Variants in DMD observed in about 807,000 individuals in gnomAD.
The protein encoded by DMD is dystrophin.
Under a neutral mutation model 330.1 loss-of-function variants are expected in DMD, and 63 were observed. The ratio of observed to expected loss-of-function variants is 0.19; its 90% CI spans 0.16 to 0.24. DMD has a LOEUF of 0.24. DMD is among the 10% of genes least tolerant of loss of function. The pLI is 1.00. For missense variants in DMD, 3,344 were observed against 2,684.1 expected, an observed-to-expected ratio of 1.25 and a Z score of -5.43; for synonymous variants, 1,223 against 959.8, an observed-to-expected ratio of 1.27 and a Z score of -5.07.
chrX:32,557,535 G>C (rs2050444104), intron 16 of DMD, among the ~76,000 whole-genome samples: 1 of 111,445 alleles, frequency 9.0e-6, no homozygotes, highest in Non-Finnish European at 1.9e-5. Context: ...TAACCCTTTG[G>C]AGTGATCAAT....
chrX:32,751,920 G>C (rs1342248791), intron 7 of DMD, among the ~76,000 whole-genome samples: 1 of 112,868 alleles, frequency 8.9e-6, no homozygotes, highest in East Asian at 2.8e-4. Flanking sequence ...CTTCCACGTC[G>C]TGTTGAGCCC....
chrX:33,256,479 T>C lies in DMD; in HGVS notation c.7+82780A>G, dbSNP rs562863081. 5.4e-5 allele frequency among the ~76,000 whole-genome samples: 6 copies of C among 110,456 alleles called. No homozygotes were observed. The South Asian group carries it at 1.9e-3, about 35-fold the overall frequency. ...CGTGGCTTCTAGCTTATTTGATTAA[T>C]ACAAATCCTTCAAAATCTTTTTATT... On this transcript the variant is annotated intron_variant, in intron 1 of 17. Transcript: ENST00000288447.
intron 13 of DMD, among the ~76,000 whole-genome samples, chrX:32,579,210 C>A (rs1237464537): frequency 8.9e-6 from 1 of 111,980 alleles, no homozygotes; most frequent in Non-Finnish European, 1.9e-5. Context: ...CACTGTATAA[C>A]ATATGGTACA....
chrX:32,252,635 TATAA>T (rs747680860), intron 43 of DMD, among the ~76,000 whole-genome samples: 1,334 of 74,666 alleles, frequency 0.018, 164 homozygotes, highest in African/African-American at 0.073. Flanking sequence ...TATGTGTATA[TATAA>T]ATATATATAA....
Position 33,168,812 on chromosome X carries a change from G to T in DMD, c.31+42470C>A, listed in dbSNP as rs902862784. 2.6e-4 allele frequency among the ~76,000 whole-genome samples: 29 copies of T among 110,150 alleles called. 1 individual carries two copies. The highest frequency in any genetic ancestry group is 2.6e-3 in the Admixed American group (27 of 10,294). ...ATGGTGACAAAATCAAAGAGAAGGCGTAAAGGATACAGTTATATTCCCTAA... is the reference window on the plus strand; with the variant it reads ...ATGGTGACAAAATCAAAGAGAAGGCTTAAAGGATACAGTTATATTCCCTAA... On this transcript the variant is annotated intron_variant, in intron 1 of 78. Transcript: ENST00000357033.
intron 42 of DMD, among the ~76,000 whole-genome samples, chrX:32,301,235 A>AAAAAAAAAG: frequency 9.3e-6 from 1 of 108,048 alleles, no homozygotes; most frequent in South Asian, 3.9e-4. Flanking sequence ...AAAAAAAAAA[A>AAAAAAAAAG]AAAGAAAGAA....
Position 31,444,475 on chromosome X carries a change from G to A in DMD, c.9084+6C>T. On this transcript the variant is annotated splice_donor_region_variant and intron_variant, in intron 60 of 78. Transcript: ENST00000357033. Reference sequence around the variant, plus strand: ...CAAAGGACAACAATGTTTACAATGTGCTTACCTGCAGAAGCTTCCATCTGG... The same window carrying A: ...CAAAGGACAACAATGTTTACAATGTACTTACCTGCAGAAGCTTCCATCTGG... 8.3e-7 allele frequency: 1 copy of A among 1,210,614 alleles called. No homozygotes were observed. Among genetic ancestry groups the A allele is most frequent in the South Asian group, 1.8e-5 (1 of 56,951 alleles).
chrX:32,257,161 C>T (rs1208855549), intron 43 of DMD, among the ~76,000 whole-genome samples: 6 of 111,459 alleles, frequency 5.4e-5, no homozygotes, highest in East Asian at 2.8e-4. Context: ...CAAGAAAATA[C>T]GAAAGGACGC....
intron 60 of DMD, among the ~76,000 whole-genome samples, chrX:31,355,114 TAAC>T (rs1165708127): frequency 2.7e-5 from 3 of 112,581 alleles, no homozygotes; most frequent in African/African-American, 9.7e-5. Flanking sequence ...AAAGGACCGA[TAAC>T]AACATCATGG....
chrX:32,992,331 A>T (rs2147316186), intron 2 of DMD, among the ~76,000 whole-genome samples: 1 of 112,033 alleles, frequency 8.9e-6, no homozygotes, highest in African/African-American at 3.2e-5. Context: ...GTAATAAAAG[A>T]AGTGCTAGTA....
Position 31,507,426 on chromosome X carries a change from T to C in DMD, c.8245A>G (p.Thr2749Ala), listed in dbSNP as rs149268097. Reference protein sequence around the residue: ...QDLQGEIEAHTDVYHNLDENS... With the variant: ...QDLQGEIEAHADVYHNLDENS... ...TCATCCAGGTTGTGATAAACATCTG[T>C]GTGAGCTTCAATTTCACCTTGGAGG... Residue 2749 changes from threonine to alanine, a missense_variant, in exon 56 of 79, where the codon ACA (threonine) becomes GCA (alanine). By Grantham distance (58) the Thr-to-Ala change is moderately conservative. Coordinates refer to ENST00000357033, the MANE Select transcript of DMD (RefSeq NM_004006.3). 2.5e-6 allele frequency: 3 copies of C among 1,207,447 alleles called. No homozygotes were observed. Among genetic ancestry groups the C allele is most frequent in the Admixed American group, 4.4e-5 (2 of 45,558 alleles).
intron 52 of DMD, among the ~76,000 whole-genome samples, chrX:31,707,976 T>G (rs2084328739): frequency 8.9e-6 from 1 of 111,946 alleles, no homozygotes; most frequent in Non-Finnish European, 1.9e-5. Flanking sequence ...TTCCTGAATG[T>G]TGTTCTAAAT....
At chrX:31,265,558 A>C (rs1050632670) in intron 62 of DMD, among the ~76,000 whole-genome samples, 1 of 110,808 alleles carries the variant, frequency 9.0e-6, no homozygotes, top group African/African-American at 3.3e-5. Flanking sequence ...ACCCACCCTC[A>C]ACTTTGGTCA....
chrX:33,074,416 T>G (rs968362559), intron 1 of DMD, among the ~76,000 whole-genome samples: 1 of 53,103 alleles, frequency 1.9e-5, no homozygotes, highest in Non-Finnish European at 3.2e-5. Context: ...TAACACTATA[T>G]TTTTTTTTTT....
chrX:32,878,939 C>T (rs768004876), intron 2 of DMD, among the ~76,000 whole-genome samples: 7 of 106,575 alleles, frequency 6.6e-5, no homozygotes, highest in African/African-American at 1.0e-4. Context: ...ACCCGGGAGG[C>T]GGAGGTTGCA....
chrX:32,454,048 T>A (rs6527201), intron 26 of DMD, among the ~76,000 whole-genome samples: 15,078 of 110,154 alleles, frequency 0.14, 1,901 homozygotes, highest in African/African-American at 0.39. Context: ...TATTATATTG[T>A]TGCCCAAGGC....
At chrX:32,980,929 A>G (rs1228266725) in intron 2 of DMD, among the ~76,000 whole-genome samples, 1 of 111,673 alleles carries the variant, frequency 9.0e-6, no homozygotes, top group Non-Finnish European at 1.9e-5. Flanking sequence ...TAAGCATTAA[A>G]TGGAAGAAGA....
chrX:31,419,357 G>A (rs192854369), intron 60 of DMD, among the ~76,000 whole-genome samples: 19 of 108,770 alleles, frequency 1.7e-4, no homozygotes, highest in African/African-American at 5.0e-4. Context: ...ATGACCTACA[G>A]TAAGAAATAC....
intron 1 of DMD, among the ~76,000 whole-genome samples, chrX:33,244,352 T>C (rs1232338391): frequency 8.9e-6 from 1 of 112,008 alleles, no homozygotes; most frequent in Non-Finnish European, 1.9e-5. Context: ...TATATAATTT[T>C]AAAGGATTCC....
Sources: gnomAD v4.1 joint callset for allele counts (sites outside exome capture counted in the v4.1 genomes callset) on GRCh38, gnomAD v4.1.1 for gene constraint, MANE v1.5 for transcripts, NCBI Gene and HGNC (gene_info 2026-07-23, HGNC 2026-07-21) for gene names.